ACTN4: variants seen among roughly 807,000 people sequenced by gnomAD.
The protein encoded by ACTN4 is alpha-actinin-4.
A neutral mutation model predicts 114.2 loss-of-function variants in ACTN4; 18 were observed. The ratio of observed to expected loss-of-function variants is 0.16; its 90% confidence interval spans 0.11 to 0.23. The LOEUF is 0.23. Among genes scored for constraint, ACTN4 ranks in the 10% least tolerant of loss-of-function variants. The pLI, the probability that ACTN4 is intolerant of heterozygous loss-of-function variation, is 1.00. For missense variants in ACTN4, 722 were observed against 1,262.9 expected (o/e 0.57, Z 6.49); for synonymous variants, 515 against 506.3 (o/e 1.02, Z -0.23).
At position 38,718,052 on chromosome 19, in the gene ACTN4, C is replaced by T. The variant is rs755337601; in HGVS notation, c.1269C>T (p.Ser423=). The change falls in exon 11 of 21, where the codon TCC becomes TCT. Residue 423 remains serine (S), a synonymous_variant. Coordinates refer to ENST00000252699, the MANE Select transcript of ACTN4 (RefSeq NM_004924.6). ...CAGAGAAGTTCCGGCAGAAGGCCTC[C>T]ATCCACGAGGCCTGGACTGACGGTA... ...HLAEKFRQKA[S]IHEAWTDGKE... The T allele has an allele frequency of 1.9e-6, 3 of 1,609,574 alleles. No homozygotes were observed. The highest frequency in any genetic ancestry group is 4.5e-5 in the East Asian group (2 of 44,704).
At chr19:38,702,087 C>T (rs1968296722) in intron 3 of ACTN4, among the ~76,000 whole-genome samples, 1 of 152,212 alleles carries the variant, frequency 6.6e-6, no homozygotes, top group Admixed American at 6.5e-5. Flanking sequence ...ATTTTCTGTC[C>T]TTGCATGGGT....
At chr19:38,652,178 C>T (rs8107386) in intron 1 of ACTN4, among the ~76,000 whole-genome samples, 202 of 151,964 alleles carry the variant, frequency 1.3e-3, no homozygotes, top group African/African-American at 4.6e-3. Flanking sequence ...AATTGAGTAA[C>T]ACACTTGACA....
chr19:38,703,768 A>G (rs1968362741), intron 3 of ACTN4, among the ~76,000 whole-genome samples: 1 of 152,138 alleles, frequency 6.6e-6, no homozygotes, highest in African/African-American at 2.4e-5. Context: ...GGGGCAGCAC[A>G]GGGGCCAGGG....
chr19:38,723,930 A>G lies in ACTN4; in HGVS notation c.1552-7A>G, dbSNP rs750741130. 1 of 1,600,152 alleles carries G rather than the reference A, an allele frequency of 6.2e-7. No homozygotes were observed. The highest frequency in any genetic ancestry group is 8.5e-7 in the Non-Finnish European group (1 of 1,175,658). On this transcript the variant is annotated splice_polypyrimidine_tract_variant and splice_region_variant and intron_variant, in intron 13 of 20. Coordinates refer to ENST00000252699, the MANE Select transcript of ACTN4 (RefSeq NM_004924.6). The stretch of plus-strand genomic sequence containing the variant: ...CTGTCCCTGCCCCCTTCCCTCCCAC[A>G]CACTAGAAAACAGAGAAGCAGCTGG...
Position 38,730,953 on chromosome 19 carries a change from C to T in ACTN4, c.*1521C>T, listed in dbSNP as rs1202002310. The T allele has an allele frequency of 1.3e-6, 2 of 1,550,546 alleles. No homozygotes were observed. Among genetic ancestry groups the T allele is most frequent in the South Asian group, 1.2e-5 (1 of 84,070 alleles). On this transcript the variant is annotated 3_prime_UTR_variant, in exon 21 of 21. Coordinates refer to ENST00000252699, the MANE Select transcript of ACTN4 (RefSeq NM_004924.6). The stretch of plus-strand genomic sequence containing the variant: ...AGAGCCTGAGCCACCCTGTCCCTCC[C>T]ACCTGGCTCACCTGTCTGTGGGTCA...
chr19:38,661,078 G>A (rs115061662), intron 1 of ACTN4, among the ~76,000 whole-genome samples: 2,148 of 152,304 alleles, frequency 0.014, 57 homozygotes, highest in African/African-American at 0.047. Context: ...TGGTCAGAGC[G>A]GAGCCCGTGG....
At chr19:38,694,919 G>A (rs1968044429) in intron 1 of ACTN4, among the ~76,000 whole-genome samples, 1 of 152,166 alleles carries the variant, frequency 6.6e-6, no homozygotes, top group Non-Finnish European at 1.5e-5. Flanking sequence ...CTGTCACCGA[G>A]GCTGGAGTGC....
Position 38,730,602 on chromosome 19 carries a change from C to A in ACTN4, c.*1170C>A. ...ACCTTCTAGGAGAGCCAGGGCAGAG[C>A]TAGCACTGTCTTAAGCTGTCAACGT... On this transcript the variant is annotated 3_prime_UTR_variant, in exon 21 of 21. Coordinates refer to ENST00000252699, the MANE Select transcript of ACTN4 (RefSeq NM_004924.6). 2 of 590,898 alleles carry A rather than the reference C, an allele frequency of 3.4e-6. No homozygotes were observed. 36.6% of individuals were successfully genotyped at this position (590,898 alleles called of 1,614,324 possible).
Position 38,647,659 on chromosome 19 carries a change from A to AAGCGGCGGT in ACTN4, c.-78_-70dup, listed in dbSNP as rs1235894912. On this transcript the variant is annotated 5_prime_UTR_variant, in exon 1 of 21. Transcript: ENST00000252699. ...GGCGGAGGGCGGGCTGAAGCAGCTG[A>AAGCGGCGGT]AGCGGCGGTAGCGGCGGCGGCTCGG... 1.4e-6 allele frequency: 2 copies of AAGCGGCGGT among 1,466,740 alleles called. No individual in the cohort carries two copies. The highest frequency in any genetic ancestry group is 1.5e-5 in the African/African-American group (1 of 67,688). 90.9% of individuals were successfully genotyped at this position (1,466,740 alleles called of 1,614,324 possible).
At chr19:38,694,692 G>A (rs567617092) in intron 1 of ACTN4, among the ~76,000 whole-genome samples, 57 of 151,740 alleles carry the variant, frequency 3.8e-4, no homozygotes, top group African/African-American at 1.4e-3. Flanking sequence ...GTGACATTAA[G>A]CAAGTCACTG....
chr19:38,719,784 C>CA (rs1208245245), intron 11 of ACTN4, among the ~76,000 whole-genome samples: 3 of 152,256 alleles, frequency 2.0e-5, no homozygotes, highest in Non-Finnish European at 4.4e-5. Flanking sequence ...AGTCCCTCTA[C>CA]AGGGCTCCAT....
At chr19:38,648,465 T>G in intron 1 of ACTN4, among the ~76,000 whole-genome samples, 1 of 149,016 alleles carries the variant, frequency 6.7e-6, no homozygotes, top group Non-Finnish European at 1.5e-5. Flanking sequence ...GAGGATGGAG[T>G]GGAGATTGTG....
At chr19:38,665,760 C>T (rs1375175407) in intron 1 of ACTN4, among the ~76,000 whole-genome samples, 1 of 152,136 alleles carries the variant, frequency 6.6e-6, no homozygotes, top group East Asian at 1.9e-4. Flanking sequence ...TTGGGATGTG[C>T]CATAGGCAGT....
chr19:38,663,171 A>G (rs1226878034), intron 1 of ACTN4, among the ~76,000 whole-genome samples: 1 of 152,114 alleles, frequency 6.6e-6, no homozygotes, highest in Admixed American at 6.5e-5. Flanking sequence ...TCAGCCTCCC[A>G]AAGTGCTGGG....
intron 17 of ACTN4, among the ~76,000 whole-genome samples, chr19:38,726,664 A>C (rs1204525928): frequency 6.6e-6 from 1 of 152,218 alleles, no homozygotes; most frequent in Non-Finnish European, 1.5e-5. Flanking sequence ...CCTGAGAGCC[A>C]GTGGTGAGAC....
chr19:38,672,059 C>A (rs376965426), intron 1 of ACTN4, among the ~76,000 whole-genome samples: 1 of 151,882 alleles, frequency 6.6e-6, no homozygotes, highest in Non-Finnish European at 1.5e-5. Context: ...ACTTCATTGT[C>A]CTGCTGGCCT....
At chr19:38,665,161 C>G (rs1436351770) in intron 1 of ACTN4, among the ~76,000 whole-genome samples, 4 of 152,172 alleles carry the variant, frequency 2.6e-5, no homozygotes, top group Admixed American at 2.6e-4. Context: ...TGACATCCCC[C>G]ACTCCCCACT....
At chr19:38,703,236 A>ATTTT (rs34017553) in intron 3 of ACTN4, among the ~76,000 whole-genome samples, 1 of 132,612 alleles carries the variant, frequency 7.5e-6, no homozygotes, top group Non-Finnish European at 1.6e-5. Context: ...AGTTTCAGCA[A>ATTTT]TTTTTTTTTT....
chr19:38,703,036 C>T (rs1020543947), intron 3 of ACTN4, among the ~76,000 whole-genome samples: 2 of 152,158 alleles, frequency 1.3e-5, no homozygotes, highest in African/African-American at 4.8e-5. Context: ...CTCCATCATG[C>T]CCCTTGCATA....
Sources: allele counts gnomAD v4.1 joint callset (sites outside exome capture counted in the v4.1 genomes callset), GRCh38; gene constraint gnomAD v4.1.1; transcripts MANE v1.5; gene names NCBI Gene and HGNC (gene_info 2026-07-23, HGNC 2026-07-21).